CCDC47: variants seen among roughly 807,000 people sequenced by gnomAD.
CCDC47 encodes coiled-coil domain containing 47, also known as PAT complex subunit CCDC47.
In CCDC47, 41 loss-of-function variants were observed where a neutral mutation model predicts 60.5. The ratio of observed to expected loss-of-function variants is 0.68; its 90% CI spans 0.53 to 0.88. The LOEUF is 0.88. Among genes scored for constraint, CCDC47 ranks in the 40% least tolerant of loss-of-function variants. The probability of loss-of-function intolerance (pLI) is 0.00; values close to 1 mark genes in which losing one functional copy is unlikely to be tolerated. For missense variants in CCDC47, 513 were observed against 580.9 expected (o/e 0.88, Z 1.20); for synonymous variants, 195 against 190.7 (o/e 1.02, Z -0.18).
chr17:63,759,133 T>C (rs1209915219), intron 6 of CCDC47, among the ~76,000 whole-genome samples: 2 of 152,112 alleles, frequency 1.3e-5, no homozygotes, highest in Non-Finnish European at 2.9e-5. Flanking sequence ...TAAGTCATCA[T>C]GGCCATGTTA....
At chr17:63,768,386 T>A (rs949733283) in intron 1 of CCDC47, among the ~76,000 whole-genome samples, 3 of 147,934 alleles carry the variant, frequency 2.0e-5, no homozygotes, top group African/African-American at 8.0e-5. Flanking sequence ...CCAAAGCTAC[T>A]GTTGTCCATT....
At chr17:63,759,257 G>A (rs1031214971) in intron 6 of CCDC47, among the ~76,000 whole-genome samples, 2 of 150,924 alleles carry the variant, frequency 1.3e-5, no homozygotes, top group Non-Finnish European at 3.0e-5. Flanking sequence ...GGGAGGCTGA[G>A]GCGGGTGGAT....
intron 8 of CCDC47, among the ~76,000 whole-genome samples, chr17:63,754,974 TTTTA>T (rs112311424): frequency 6.6e-6 from 1 of 152,112 alleles, no homozygotes; most frequent in African/African-American, 2.4e-5. Context: ...GTTCATTGCT[TTTTA>T]TTTATTTTTT....
Position 63,761,359 on chromosome 17 carries a change from T to A in CCDC47, c.548-8A>T. 1 of 1,613,128 alleles carries A rather than the reference T, an allele frequency of 6.2e-7. No homozygotes were observed. Among genetic ancestry groups the A allele is most frequent in the East Asian group, 2.2e-5 (1 of 44,832 alleles). On this transcript the variant is annotated splice_polypyrimidine_tract_variant and splice_region_variant and intron_variant, in intron 4 of 12. Transcript: ENST00000225726. ...TGTTAGTTCCATCATCCCCTAGGGG[T>A]AAAACCACTTAATGTGACTCAACAG... is the stretch of plus-strand genomic sequence containing the variant.
In CCDC47 at chr17:63,756,351, C is replaced by T; in HGVS notation, c.838-1G>A. On this transcript the variant is annotated splice_acceptor_variant, in intron 7 of 12. Transcript: ENST00000225726. LOFTEE classifies it high-confidence loss of function. The stretch of plus-strand genomic sequence containing the variant: ...TAGGTTTATCACTACAAAACTCACT[C>T]TAGAGGAAGAAGTAATTGAAAGTAA... The T allele has an allele frequency of 6.2e-7, 1 of 1,612,260 alleles. No individual in the cohort carries two copies.
chr17:63,763,642 G>A (rs1023323976), intron 4 of CCDC47, among the ~76,000 whole-genome samples: 1 of 148,218 alleles, frequency 6.7e-6, no homozygotes, highest in African/African-American at 2.4e-5. Context: ...TGGCCAACAT[G>A]GTGAAACCCC....
intron 10 of CCDC47, 143 bp downstream of exon 10, chr17:63,752,598 T>C: frequency 1.1e-6 from 1 of 873,370 alleles, no homozygotes; most frequent in South Asian, 2.3e-5. Context: ...TAATTTCTTC[T>C]TGAAGAAATC....
At chr17:63,752,184 C>G (rs1461374662) in intron 11 of CCDC47, 77 bp from the exon 12 acceptor site, 18 of 1,528,552 alleles carry the variant, frequency 1.2e-5, no homozygotes, top group Non-Finnish European at 1.5e-5. Flanking sequence ...AGCATTCTTT[C>G]ATAAAACTAC....
intron 12 of CCDC47, 25 bp downstream of exon 12, chr17:63,751,911 GTTTT>G: frequency 1.2e-6 from 2 of 1,612,040 alleles, no homozygotes; most frequent in Non-Finnish European, 1.7e-6. Flanking sequence ...ACAAATCGTA[GTTTT>G]ACCCCAGTGA....
chr17:63,767,337 A>C (rs2039304599), intron 1 of CCDC47, among the ~76,000 whole-genome samples: 1 of 152,192 alleles, frequency 6.6e-6, no homozygotes, highest in Non-Finnish European at 1.5e-5. Flanking sequence ...AAGAACATTA[A>C]GTTTTCTAAT....
In CCDC47 at chr17:63,746,670, G is replaced by GA. The variant is rs1056868035; in HGVS notation, c.*210dup. ...ATAATCAAAATAATTTGATTATCTG[G>GA]AAAAAAAAATTCTTGAAACAGAGCC... On this transcript the variant is annotated 3_prime_UTR_variant, in exon 13 of 13. Transcript: ENST00000225726. The GA allele has an allele frequency of 7.3e-4, 309 of 421,852 alleles. No homozygotes were observed. Among genetic ancestry groups the GA allele is most frequent in the Middle Eastern group, 9.9e-4 (3 of 3,038 alleles). 26.1% of individuals were successfully genotyped at this position (421,852 alleles called of 1,614,324 possible).
intron 9 of CCDC47, 104 bp downstream of exon 9, chr17:63,754,329 C>T: frequency 1.4e-6 from 1 of 714,080 alleles, no homozygotes; most frequent in Non-Finnish European, 2.5e-6. Flanking sequence ...TCACCAACTT[C>T]CTTCACACAT....
intron 12 of CCDC47, among the ~76,000 whole-genome samples, chr17:63,750,026 G>A (rs1037151655): frequency 1.3e-5 from 2 of 152,114 alleles, no homozygotes; most frequent in Non-Finnish European, 2.9e-5. Context: ...AGGGGGTTGG[G>A]TGGGTTGTTC....
At chr17:63,749,477 G>A (rs111878479) in intron 12 of CCDC47, among the ~76,000 whole-genome samples, 40,093 of 147,204 alleles carry the variant, frequency 0.27, 7,025 homozygotes, top group South Asian at 0.55. Flanking sequence ...AAAAAGACCT[G>A]GCACGGTGGC....
intron 1 of CCDC47, among the ~76,000 whole-genome samples, chr17:63,772,251 T>G (rs947100695): frequency 9.1e-3 from 179 of 19,574 alleles, no homozygotes; most frequent in Non-Finnish European, 0.012. Flanking sequence ...GTACCAAGGG[T>G]TTTTTTTTTT....
chr17:63,756,308 C>G lies in CCDC47; in HGVS notation c.880G>C (p.Gly294Arg). The change falls in exon 8 of 13, where the codon GGA (glycine) becomes CGA (arginine). Residue 294 changes from glycine to arginine, a missense_variant. Coordinates refer to ENST00000225726, the MANE Select transcript of CCDC47 (RefSeq NM_020198.3). ...AGGATGGCCAAAGAGTCCGGCAGTC[C>G]ATACTTTGCTCCAGACTTAGGTTTA... ...SDKPKSGAKY[G>R]LPDSLAILSE... The G allele has an allele frequency of 3.7e-6, 6 of 1,614,162 alleles. No individual in the cohort carries two copies. The highest frequency in any genetic ancestry group is 4.2e-6 in the Non-Finnish European group (5 of 1,179,998).
intron 2 of CCDC47, chr17:63,765,151 C>CACACAT (rs1237437600): frequency 5.9e-6 from 1 of 168,468 alleles, no homozygotes; most frequent in African/African-American, 2.4e-5. Context: ...CACACACACA[C>CACACAT]ACACGGAGGC....
Position 63,761,277 on chromosome 17 carries a change from A to G in CCDC47, c.622T>C (p.Trp208Arg), listed in dbSNP as rs376697361. Reference protein sequence around the residue: ...NQENEHIYNLWCSGRVCCEGM... With the variant: ...NQENEHIYNLRCSGRVCCEGM... ...TCACAGCACACTCGACCAGAACACC[A>G]CAGGTTATAGATGTGCTCATTCTCC... The change falls in exon 5 of 13, where the codon TGG becomes CGG. Residue 208 changes from tryptophan to arginine, a missense_variant. By Grantham distance (101) the Trp-to-Arg change is moderately radical. Coordinates refer to ENST00000225726, the MANE Select transcript of CCDC47 (RefSeq NM_020198.3). 5 of 1,613,972 alleles carry G rather than the reference A, an allele frequency of 3.1e-6. No homozygotes were observed. The highest frequency in any genetic ancestry group is 2.7e-5 in the African/African-American group (2 of 74,894).
chr17:63,751,509 G>C (rs2144471094), intron 12 of CCDC47, among the ~76,000 whole-genome samples: 1 of 149,512 alleles, frequency 6.7e-6, no homozygotes, highest in South Asian at 2.1e-4. Flanking sequence ...TGAGATTCTA[G>C]TTAGGTAAAA....
Sources: gnomAD v4.1 joint callset for allele counts (sites outside exome capture counted in the v4.1 genomes callset) on GRCh38, gnomAD v4.1.1 for gene constraint, MANE v1.5 for transcripts, NCBI Gene and HGNC (gene_info 2026-07-23, HGNC 2026-07-21) for gene names.